Variants in MINDY2 observed in about 807,000 individuals in gnomAD.
MINDY2 encodes MINDY lysine 48 deubiquitinase 2, also known as ubiquitin carboxyl-terminal hydrolase MINDY-2.
A neutral mutation model predicts 68.2 loss-of-function variants in MINDY2; 52 were observed. The ratio of observed to expected loss-of-function variants is 0.76; its 90% CI spans 0.61 to 0.96. MINDY2 has a LOEUF of 0.96. Among genes scored for constraint, MINDY2 ranks in the 40% least tolerant of loss-of-function variants. The pLI is 0.00. For synonymous variants in MINDY2, 372 were observed against 303.0 expected, an observed-to-expected ratio of 1.23 and a Z score of -2.36; for missense variants, 881 against 773.4, an observed-to-expected ratio of 1.14 and a Z score of -1.65.
At chr15:58,781,946 G>A (rs1901176597) in intron 1 of MINDY2, among the ~76,000 whole-genome samples, 1 of 151,950 alleles carries the variant, frequency 6.6e-6, no homozygotes, top group Non-Finnish European at 1.5e-5. Flanking sequence ...CAAGTAGAAA[G>A]CCAATTAGAT....
intron 6 of MINDY2, among the ~76,000 whole-genome samples, chr15:58,838,229 C>T (rs1314651753): frequency 6.7e-6 from 1 of 150,342 alleles, no homozygotes; most frequent in African/African-American, 2.4e-5. Flanking sequence ...GAAACCCCAT[C>T]TCTACTAAAA....
chr15:58,830,954 A>G (rs1161733226), intron 5 of MINDY2, among the ~76,000 whole-genome samples: 1 of 151,650 alleles, frequency 6.6e-6, no homozygotes, highest in East Asian at 1.9e-4. Context: ...AATTTTAGCC[A>G]GTTAGATGAA....
chr15:58,854,550 G>A lies in MINDY2; in HGVS notation c.1806G>A (p.Lys602=). Residue 602 remains lysine (K), a synonymous_variant, in exon 9 of 9, where the codon AAG becomes AAA. Transcript: ENST00000559228. ...RQSGNSERKR[K]EPREKDKEKE... ...CTGGGAATAGTGAACGTAAACGGAAGGAACCACGAGAAAAAGATAAAGAAA... is the reference window on the plus strand; with the variant it reads ...CTGGGAATAGTGAACGTAAACGGAAAGAACCACGAGAAAAAGATAAAGAAA... 6.2e-7 allele frequency: 1 copy of A among 1,613,600 alleles called. No homozygotes were observed. The highest frequency in any genetic ancestry group is 1.7e-5 in the Admixed American group (1 of 59,992).
chr15:58,826,073 CCTTTT>C (rs1341965089), intron 5 of MINDY2, among the ~76,000 whole-genome samples: 3 of 151,672 alleles, frequency 2.0e-5, no homozygotes, highest in East Asian at 1.9e-4. Flanking sequence ...ATATTGGTTT[CCTTTT>C]CTTTTTCTTT....
Position 58,858,058 on chromosome 15 carries a change from CT to C in MINDY2, c.*3450del, listed in dbSNP as rs1188625722. ...GTTAGATTCTCAAAAGAATTCAGAA[CT>C]TCAATTTAAGAATCACCATTTTAAG... On this transcript the variant is annotated 3_prime_UTR_variant, in exon 9 of 9. Coordinates refer to ENST00000559228, the MANE Select transcript of MINDY2 (RefSeq NM_001040450.3). 2 of 152,178 alleles carry C rather than the reference CT, an allele frequency of 1.3e-5. No individual in the cohort carries two copies. Among genetic ancestry groups the C allele is most frequent in the African/African-American group, 2.4e-5 (1 of 41,440 alleles). The allele number at this position is 152,178 out of a possible 1,614,324, so 9.4% of individuals were successfully genotyped here. A position where few individuals can be genotyped will look rare whatever the true frequency, so the allele number is the denominator to read the frequency against.
intron 3 of MINDY2, among the ~76,000 whole-genome samples, chr15:58,807,554 G>A (rs1258634332): frequency 7.2e-5 from 11 of 151,828 alleles, no homozygotes; most frequent in South Asian, 2.1e-4. Context: ...TAGTAGAGAC[G>A]GGGTTTCACC....
Position 58,795,977 on chromosome 15 carries a change from A to G in MINDY2, c.899-6336A>G, listed in dbSNP as rs678020. ...ATTGTTAGAAGAAAGGAGAAAGGGT[A>G]TTGAATACTGGAGAATACTCTCTTT... is the stretch of plus-strand genomic sequence containing the variant. On this transcript the variant is annotated intron_variant, in intron 2 of 8. Coordinates refer to ENST00000559228, the MANE Select transcript of MINDY2 (RefSeq NM_001040450.3). The G allele has an allele frequency of 8.7e-3, 3,508 of 401,796 alleles. 80 individuals carry two copies. The highest frequency in any genetic ancestry group is 0.049 in the African/African-American group (2,398 of 48,790). The allele number at this position is 401,796 out of a possible 1,614,324, so 24.9% of individuals were successfully genotyped here.
Position 58,794,358 on chromosome 15 carries a change from G to GGTGTGTGTGTGTGT in MINDY2, c.898+6420_898+6433dup, listed in dbSNP as rs3985718. Among the ~76,000 whole-genome samples, 76 of 139,178 alleles carry GGTGTGTGTGTGTGT rather than the reference G, an allele frequency of 5.5e-4. 1 individual carries two copies. In the East Asian group the frequency reaches 8.9e-3, roughly 16 times the overall value. The allele number at this position is 139,178 out of a possible 152,430, so 91.3% of individuals were successfully genotyped here. A position where few individuals can be genotyped will look rare whatever the true frequency, so the allele number is the denominator to read the frequency against. On this transcript the variant is annotated intron_variant, in intron 2 of 8. Transcript: ENST00000559228. The stretch of plus-strand genomic sequence containing the variant: ...AAAGTAGAATAAAAGTTTTTTTTGG[G>GGTGTGTGTGTGTGT]GTGTGTGTGTGTGTGTGTGTGTGTG...
intron 2 of MINDY2, among the ~76,000 whole-genome samples, chr15:58,796,710 A>G (rs796923981): frequency 6.6e-5 from 10 of 152,248 alleles, no homozygotes; most frequent in African/African-American, 1.7e-4. Flanking sequence ...TTTCGTAGAG[A>G]TGGGGTTTCC....
chr15:58,802,284 ATT>A (rs1469398023), intron 2 of MINDY2, 27 bp from the exon 3 acceptor site: 1 of 1,485,328 alleles, frequency 6.7e-7, no homozygotes. Flanking sequence ...TTAAAAGGCA[ATT>A]TTACAATTCT....
chr15:58,812,722 A>G (rs1595739764), intron 4 of MINDY2, among the ~76,000 whole-genome samples: 2 of 152,254 alleles, frequency 1.3e-5, no homozygotes, highest in East Asian at 3.9e-4. Flanking sequence ...GCTAGGCATG[A>G]TGGAACATGC....
rs1173687322 is a variant in MINDY2 at position 58,771,500 on chromosome 15, C to T, written c.105C>T (p.Leu35=). 9 of 1,612,306 alleles carry T rather than the reference C, an allele frequency of 5.6e-6. No individual in the cohort carries two copies. The highest frequency in any genetic ancestry group is 6.8e-6 in the Non-Finnish European group (8 of 1,179,798). Residue 35 remains leucine, a synonymous_variant, in exon 1 of 9, where the codon CTC becomes CTT. Transcript: ENST00000559228. ...AGGAAGGGCTACAGGAGACCAGGCT[C>T]GCCGCTGGTGATGGTCCTGGGGTAT... ...SSQEGLQETR[L]AAGDGPGVWA...
chr15:58,776,260 G>T (rs1469873564), intron 1 of MINDY2, among the ~76,000 whole-genome samples: 15 of 152,166 alleles, frequency 9.9e-5, no homozygotes, highest in Admixed American at 9.8e-4. Flanking sequence ...CCCAATATAT[G>T]TGAGAGTGAC....
chr15:58,806,160 G>A (rs1902996693), intron 3 of MINDY2, among the ~76,000 whole-genome samples: 2 of 152,052 alleles, frequency 1.3e-5, no homozygotes, highest in South Asian at 2.1e-4. Flanking sequence ...TACAACTTCC[G>A]CCTTTCAGGT....
intron 5 of MINDY2, among the ~76,000 whole-genome samples, chr15:58,830,384 T>C (rs1329301860): frequency 1.3e-5 from 2 of 152,134 alleles, no homozygotes; most frequent in African/African-American, 4.8e-5. Context: ...ATCCCTAATC[T>C]GAAAATCCAA....
Position 58,836,723 on chromosome 15 carries a change from A to G in MINDY2, c.1368+4807A>G, listed in dbSNP as rs148412482. Among the ~76,000 whole-genome samples the G allele has an allele frequency of 4.0e-3, 605 of 152,166 alleles. 4 individuals carry two copies. Among genetic ancestry groups the G allele is most frequent in the African/African-American group, 0.014 (581 of 41,512 alleles). ...AACCTCTGCCTCCTGGGTTCAAGCGATCCTCATGGCTCAGCCTCCCAAGCA... is the reference window on the plus strand; with the variant it reads ...AACCTCTGCCTCCTGGGTTCAAGCGGTCCTCATGGCTCAGCCTCCCAAGCA... On this transcript the variant is annotated intron_variant, in intron 6 of 8. Transcript: ENST00000559228.
chr15:58,809,119 G>C (rs2030037548), intron 3 of MINDY2, among the ~76,000 whole-genome samples: 1 of 152,150 alleles, frequency 6.6e-6, no homozygotes, highest in South Asian at 2.1e-4. Flanking sequence ...GACTGAGATG[G>C]GAGGATCACT....
chr15:58,814,259 G>A (rs1370324117), intron 4 of MINDY2, among the ~76,000 whole-genome samples: 2 of 151,948 alleles, frequency 1.3e-5, no homozygotes, highest in African/African-American at 2.4e-5. Context: ...TTTCTTTAAC[G>A]GCTAATGATG....
intron 1 of MINDY2, among the ~76,000 whole-genome samples, chr15:58,774,574 C>A (rs1900662052): frequency 6.7e-6 from 1 of 149,836 alleles, no homozygotes; most frequent in East Asian, 1.9e-4. Context: ...AGTGGGATGA[C>A]AGACATATAA....
Sources: gnomAD v4.1 joint callset for allele counts (sites outside exome capture counted in the v4.1 genomes callset) on GRCh38, gnomAD v4.1.1 for gene constraint, MANE v1.5 for transcripts, NCBI Gene and HGNC (gene_info 2026-07-23, HGNC 2026-07-21) for gene names.